The following RPTOR variants were observed in gnomAD, a reference collection of about 807,000 sequenced individuals.
RPTOR encodes the protein regulatory associated protein of MTOR complex 1.
A neutral mutation model predicts 169.9 loss-of-function variants in RPTOR; 21 were observed. The observed-to-expected ratio is 0.12, with a 90% CI of 0.09 to 0.18. The LOEUF is 0.18. Ranked by LOEUF, RPTOR falls within the 10% of genes least tolerant of loss-of-function variation. The probability of loss-of-function intolerance (pLI) is 1.00; values close to 1 mark genes in which losing one functional copy is unlikely to be tolerated. For missense variants in RPTOR, 1,133 were observed against 1,855.9 expected (o/e 0.61, Z 7.16); for synonymous variants, 732 against 753.2 (o/e 0.97, Z 0.46).
chr17:80,792,274 C>G (rs1004268292), intron 7 of RPTOR, among the ~76,000 whole-genome samples: 1 of 152,148 alleles, frequency 6.6e-6, no homozygotes, highest in Non-Finnish European at 1.5e-5. Context: ...TTTTCTACAT[C>G]TTAATATACA....
intron 25 of RPTOR, among the ~76,000 whole-genome samples, chr17:80,943,838 G>GTCAGGTGA (rs11271209): frequency 1.1e-3 from 171 of 151,426 alleles, no homozygotes; most frequent in Admixed American, 1.3e-3. Context: ...GTAAGAGCCA[G>GTCAGGTGA]GCGGTGTCTC....
chr17:80,674,787 C>CAAAAAAAAAAA (rs9319608), intron 3 of RPTOR, among the ~76,000 whole-genome samples: 9 of 89,972 alleles, frequency 1.0e-4, no homozygotes, highest in Admixed American at 3.0e-4. Flanking sequence ...GACTCTGTCT[C>CAAAAAAAAAAA]AAAAAAAAAA....
chr17:80,784,586 T>A (rs929796330), intron 6 of RPTOR, among the ~76,000 whole-genome samples: 6 of 152,098 alleles, frequency 3.9e-5, no homozygotes, highest in African/African-American at 1.4e-4. Context: ...AGAAATGGGG[T>A]TTCACCTTGT....
intron 2 of RPTOR, among the ~76,000 whole-genome samples, chr17:80,638,853 A>C (rs1297558278): frequency 1.3e-5 from 2 of 152,222 alleles, no homozygotes; most frequent in African/African-American, 4.8e-5. Flanking sequence ...ACAGGAACGT[A>C]ATTTTGTAGC....
intron 1 of RPTOR, among the ~76,000 whole-genome samples, chr17:80,553,255 A>C (rs1028341215): frequency 1.8e-4 from 27 of 152,342 alleles, no homozygotes; most frequent in African/African-American, 6.5e-4. Context: ...CTGCAGGCAA[A>C]GCCCAGTGGC....
chr17:80,773,922 C>T (rs12941973), intron 6 of RPTOR: 220,958 of 985,258 alleles, frequency 0.22, 25,474 homozygotes, highest in Non-Finnish European at 0.23. Context: ...CCGGTGGACA[C>T]GCAGGGCTAT....
intron 28 of RPTOR, among the ~76,000 whole-genome samples, chr17:80,951,818 C>T (rs1191896115): frequency 6.6e-6 from 1 of 152,198 alleles, no homozygotes; most frequent in Admixed American, 6.5e-5. Flanking sequence ...GTGCCATGTC[C>T]CCCATGCCGG....
chr17:80,623,329 A>T (rs1482517489), intron 1 of RPTOR, among the ~76,000 whole-genome samples: 1 of 152,232 alleles, frequency 6.6e-6, no homozygotes, highest in African/African-American at 2.4e-5. Flanking sequence ...TAGTAAAGGA[A>T]CTAACCATTT....
intron 6 of RPTOR, among the ~76,000 whole-genome samples, chr17:80,771,204 A>G (rs539803680): frequency 1.3e-5 from 2 of 152,108 alleles, no homozygotes; most frequent in South Asian, 4.1e-4. Context: ...ACTTGGACGT[A>G]TGTTCTCCCA....
chr17:80,867,456 G>T (rs2068006045), intron 13 of RPTOR, among the ~76,000 whole-genome samples: 1 of 152,098 alleles, frequency 6.6e-6, no homozygotes, highest in Non-Finnish European at 1.5e-5. Context: ...ACACCATACA[G>T]TGGTGAAAGA....
In RPTOR at chr17:80,857,825, G is replaced by A. The variant is rs1177033628; in HGVS notation, c.1434G>A (p.Lys478=). 1.2e-6 allele frequency: 2 copies of A among 1,612,528 alleles called. No homozygotes were observed. The highest frequency in any genetic ancestry group is 1.7e-6 in the Non-Finnish European group (2 of 1,179,968). Reference sequence around the variant, plus strand: ...TCGGCATCTTCCCCTACGTGCTGAAGCTGCTCCAGAGCTCGGCCCGAGAGC... The same window carrying A: ...TCGGCATCTTCCCCTACGTGCTGAAACTGCTCCAGAGCTCGGCCCGAGAGC... The part of the protein sequence containing the change: ...LSVGIFPYVL[K]LLQSSARELR... The change falls in exon 13 of 34, where the codon AAG becomes AAA. Residue 478 remains lysine, a synonymous_variant. Coordinates refer to ENST00000306801, the MANE Select transcript of RPTOR (RefSeq NM_020761.3).
chr17:80,839,520 T>C (rs1025050246), intron 10 of RPTOR, among the ~76,000 whole-genome samples: 40 of 151,952 alleles, frequency 2.6e-4, no homozygotes, highest in African/African-American at 9.4e-4. Context: ...GCATCAACAC[T>C]GGGCTTCTAG....
intron 20 of RPTOR, among the ~76,000 whole-genome samples, chr17:80,895,169 C>T (rs2068382475): frequency 1.3e-5 from 2 of 152,340 alleles, no homozygotes; most frequent in East Asian, 3.9e-4. Flanking sequence ...ATCCAACACA[C>T]CCTCACTCGC....
chr17:80,963,984 C>CA (rs1436756127), intron 33 of RPTOR, among the ~76,000 whole-genome samples: 1 of 152,204 alleles, frequency 6.6e-6, no homozygotes, highest in African/African-American at 2.4e-5. Flanking sequence ...GCTCTGCTGA[C>CA]ACGTGTGACA....
At chr17:80,687,820 G>A (rs1420824596) in intron 3 of RPTOR, among the ~76,000 whole-genome samples, 1 of 152,180 alleles carries the variant, frequency 6.6e-6, no homozygotes, top group Admixed American at 6.5e-5. Context: ...GAAATGCAGT[G>A]AGGCCGACAG....
intron 10 of RPTOR, among the ~76,000 whole-genome samples, chr17:80,839,239 G>A (rs1291839514): frequency 1.3e-5 from 2 of 152,196 alleles, no homozygotes; most frequent in African/African-American, 4.8e-5. Flanking sequence ...CATGTCCCAC[G>A]GGTGGGATGA....
At chr17:80,692,918 C>A (rs2066004773) in intron 3 of RPTOR, among the ~76,000 whole-genome samples, 1 of 152,244 alleles carries the variant, frequency 6.6e-6, no homozygotes, top group South Asian at 2.1e-4. Context: ...TAGGTCACCA[C>A]TGAAATGTTT....
In RPTOR at chr17:80,860,161, T is replaced by A. The variant is rs140733333; in HGVS notation, c.1509+2261T>A. 2.0e-5 allele frequency among the ~76,000 whole-genome samples: 3 copies of A among 152,234 alleles called. No homozygotes were observed. Among genetic ancestry groups the A allele is most frequent in the Non-Finnish European group, 2.9e-5 (2 of 67,998 alleles). Reference sequence around the variant, plus strand: ...GCTCCCCAGGCCACATTCTGTCAGCTCCTCCGTCCAGTCACTGGCACTGAG... The same window carrying A: ...GCTCCCCAGGCCACATTCTGTCAGCACCTCCGTCCAGTCACTGGCACTGAG... On this transcript the variant is annotated intron_variant, in intron 13 of 33. Coordinates refer to ENST00000306801, the MANE Select transcript of RPTOR (RefSeq NM_020761.3). The surrounding 1 kb of genome is among the most constrained non-coding windows in gnomAD (Gnocchi z 5.8).
chr17:80,617,225 C>T (rs9890502), intron 1 of RPTOR, among the ~76,000 whole-genome samples: 43,896 of 152,036 alleles, frequency 0.29, 6,462 homozygotes, highest in Middle Eastern at 0.36. Flanking sequence ...TCATTTGGTA[C>T]GACCTTATAT....
Sources: allele counts gnomAD v4.1 joint callset (sites outside exome capture counted in the v4.1 genomes callset), GRCh38; gene constraint gnomAD v4.1.1; non-coding constraint Gnocchi (gnomAD v3.1); transcripts MANE v1.5; gene names NCBI Gene and HGNC (gene_info 2026-07-23, HGNC 2026-07-21).